The following FGF12 variants were observed in gnomAD, a reference collection of about 807,000 sequenced individuals.
The protein encoded by FGF12 is fibroblast growth factor 12B.
FGF12 carries 14 observed loss-of-function variants against 23.6 expected under a neutral mutation model. The ratio of observed to expected loss-of-function variants is 0.59; its 90% CI spans 0.39 to 0.93. FGF12 has a LOEUF of 0.93. Among genes scored for constraint, FGF12 ranks in the 40% least tolerant of loss-of-function variants. The pLI is 0.00. For synonymous variants in FGF12, 62 were observed against 77.3 expected, an observed-to-expected ratio of 0.80 and a Z score of 1.04; for missense variants, 175 against 217.8, an observed-to-expected ratio of 0.80 and a Z score of 1.24.
chr3:192,377,966 T>TAAACCTTAGATTATTCATAAA (rs1719597889), intron 2 of FGF12, among the ~76,000 whole-genome samples: 1 of 151,238 alleles, frequency 6.6e-6, no homozygotes, highest in African/African-American at 2.5e-5. Flanking sequence ...GGAAAAAATG[T>TAAACCTTAGATTATTCATAAA]CTTTTCTGGT....
chr3:192,565,386 C>T (rs543226117), intron 2 of FGF12, among the ~76,000 whole-genome samples: 37 of 152,286 alleles, frequency 2.4e-4, no homozygotes, highest in African/African-American at 8.9e-4. Context: ...TGTGAATTCG[C>T]TCATTTTATC....
intron 4 of FGF12, among the ~76,000 whole-genome samples, chr3:192,327,834 G>A (rs537457840): frequency 4.8e-5 from 7 of 146,216 alleles, no homozygotes; most frequent in African/African-American, 1.7e-4. Context: ...TATGTAGCTG[G>A]GAACAGAGGT....
chr3:192,502,646 C>A (rs1459335284), intron 2 of FGF12, among the ~76,000 whole-genome samples: 1 of 152,152 alleles, frequency 6.6e-6, no homozygotes, highest in Admixed American at 6.5e-5. Flanking sequence ...CCAGGAGTGG[C>A]CAGACCATGC....
At chr3:192,620,325 C>T (rs1334099355) in intron 2 of FGF12, among the ~76,000 whole-genome samples, 2 of 152,212 alleles carry the variant, frequency 1.3e-5, no homozygotes, top group Non-Finnish European at 1.5e-5. Context: ...AAAGAGCCCA[C>T]ATTCTTCTTC....
chr3:192,171,715 A>T (rs1463597224), intron 4 of FGF12, among the ~76,000 whole-genome samples: 1 of 152,182 alleles, frequency 6.6e-6, no homozygotes, highest in African/African-American at 2.4e-5. Flanking sequence ...CTTCCTCTCC[A>T]TGAACTGGAA....
chr3:192,304,128 G>C (rs1715490924), intron 4 of FGF12, among the ~76,000 whole-genome samples: 1 of 152,146 alleles, frequency 6.6e-6, no homozygotes, highest in South Asian at 2.1e-4. Flanking sequence ...TTGAGGTGTT[G>C]CTAAATTGGA....
chr3:192,619,289 C>G (rs761320271), intron 2 of FGF12, among the ~76,000 whole-genome samples: 1 of 151,892 alleles, frequency 6.6e-6, no homozygotes, highest in African/African-American at 2.4e-5. Context: ...TGAGCTGGGC[C>G]TCAAAGAAGG....
chr3:192,552,114 T>TA (rs1265690946), intron 2 of FGF12, among the ~76,000 whole-genome samples: 2 of 152,002 alleles, frequency 1.3e-5, no homozygotes, highest in African/African-American at 4.8e-5. Context: ...AATTCTATAA[T>TA]AAAAAATACT....
intron 2 of FGF12, among the ~76,000 whole-genome samples, chr3:192,523,394 A>G (rs1249710229): frequency 6.6e-6 from 1 of 152,210 alleles, no homozygotes; most frequent in Non-Finnish European, 1.5e-5. Context: ...CTTTTAAACT[A>G]TATATTCATT....
chr3:192,681,767 A>ACC (rs879674201), intron 2 of FGF12, among the ~76,000 whole-genome samples: 85,930 of 151,540 alleles, frequency 0.57, 25,115 homozygotes, highest in East Asian at 0.82. Flanking sequence ...ATGTATGCTC[A>ACC]TCACCCAGAT....
intron 4 of FGF12, among the ~76,000 whole-genome samples, chr3:192,189,254 G>A (rs186188519): frequency 6.7e-4 from 102 of 152,232 alleles, no homozygotes; most frequent in African/African-American, 2.4e-3. Context: ...GAATCCAATG[G>A]AGAAAGACAA....
chr3:192,238,926 A>C (rs1208322815), intron 4 of FGF12, among the ~76,000 whole-genome samples: 1 of 152,202 alleles, frequency 6.6e-6, no homozygotes, highest in Non-Finnish European at 1.5e-5. Flanking sequence ...TAATTCTCCC[A>C]AATGTGATGG....
chr3:192,489,801 G>A (rs77081353), intron 2 of FGF12, among the ~76,000 whole-genome samples: 9,434 of 151,920 alleles, frequency 0.062, 1,007 homozygotes, highest in African/African-American at 0.22. Context: ...ACACAGAGAC[G>A]GGAATGACAC....
At chr3:192,157,300 A>G (rs1279437789) in intron 5 of FGF12, among the ~76,000 whole-genome samples, 4 of 152,218 alleles carry the variant, frequency 2.6e-5, no homozygotes, top group Admixed American at 2.0e-4. Context: ...CACAAATACA[A>G]TGCAACACTT....
At chr3:192,326,726 T>C (rs1357903170) in intron 4 of FGF12, among the ~76,000 whole-genome samples, 1 of 152,234 alleles carries the variant, frequency 6.6e-6, no homozygotes, top group African/African-American at 2.4e-5. Flanking sequence ...TTTTATATTA[T>C]GTTGGAACAC....
rs148022922 is a variant in FGF12, at chr3:192,223,942, G to T, written c.229-53286C>A. Among the ~76,000 whole-genome samples, 317 of 152,110 alleles carry T rather than the reference G, an allele frequency of 2.1e-3. 5 individuals are homozygous for T. In the East Asian group the frequency reaches 0.056, roughly 27 times the overall value. ...GGCACTTCCCCATAGCCCATAAAAA[G>T]AAGAAAGACAAAGTGTATAGAGTGA... On this transcript the variant is annotated intron_variant, in intron 4 of 5. Coordinates refer to ENST00000445105, the MANE Select transcript of FGF12 (RefSeq NM_004113.6).
At chr3:192,659,405 A>G (rs1229994441) in intron 2 of FGF12, among the ~76,000 whole-genome samples, 1 of 152,160 alleles carries the variant, frequency 6.6e-6, no homozygotes, top group Non-Finnish European at 1.5e-5. Context: ...TCCCCAGCTG[A>G]TGTGTATATA....
rs975393838 is a variant in FGF12 at position 192,525,321 on chromosome 3, G to A, written c.14-164783C>T. Among the ~76,000 whole-genome samples, 7 of 152,238 alleles carry A rather than the reference G, an allele frequency of 4.6e-5. No homozygotes were observed. The South Asian group carries it at 6.2e-4, about 14-fold the overall frequency. On this transcript the variant is annotated intron_variant, in intron 2 of 5. Transcript: ENST00000445105. ...AATAATAATAACTACAACTGGACAC[G>A]TATCTTTCTCTGTAAACTTCTTGAG... is the stretch of plus-strand genomic sequence containing the variant.
At chr3:192,685,202 C>CA (rs1054144345) in intron 2 of FGF12, among the ~76,000 whole-genome samples, 2 of 152,098 alleles carry the variant, frequency 1.3e-5, no homozygotes, top group African/African-American at 4.8e-5. Flanking sequence ...AGGGGCCCGC[C>CA]ACCACGCCCG....
Sources: gnomAD v4.1 joint callset for allele counts (sites outside exome capture counted in the v4.1 genomes callset) on GRCh38, gnomAD v4.1.1 for gene constraint, MANE v1.5 for transcripts, NCBI Gene and HGNC (gene_info 2026-07-23, HGNC 2026-07-21) for gene names.